Variants in DGKH observed in about 807,000 individuals in gnomAD.
The protein encoded by DGKH is DAG kinase eta.
In DGKH, 90 loss-of-function variants were observed where a neutral mutation model predicts 159.3. The ratio of observed to expected loss-of-function variants is 0.57; its 90% CI spans 0.48 to 0.67. The LOEUF (loss-of-function observed/expected upper bound fraction) is 0.67. Ranked by LOEUF, DGKH falls within the 30% of genes least tolerant of loss-of-function variation. DGKH has a pLI of 0.00. For synonymous variants in DGKH, 536 were observed against 553.8 expected, an observed-to-expected ratio of 0.97 and a Z score of 0.45; for missense variants, 1,181 against 1,506.1, an observed-to-expected ratio of 0.78 and a Z score of 3.57.
At chr13:42,170,879 G>A (rs1421545344) in intron 11 of DGKH, among the ~76,000 whole-genome samples, 1 of 151,150 alleles carries the variant, frequency 6.6e-6, no homozygotes, top group African/African-American at 2.4e-5. Context: ...GGAGGCGGAG[G>A]TTGCAGTGAG....
At chr13:42,250,296 AG>A (rs1218959115) in intron 29 of DGKH, among the ~76,000 whole-genome samples, 1 of 151,884 alleles carries the variant, frequency 6.6e-6, no homozygotes, top group Non-Finnish European at 1.5e-5. Flanking sequence ...AAAAAAAAAA[AG>A]TTTATAATTA....
intron 1 of DGKH, among the ~76,000 whole-genome samples, chr13:42,074,551 C>G (rs374763459): frequency 6.6e-6 from 1 of 151,990 alleles, no homozygotes; most frequent in Admixed American, 6.6e-5. Flanking sequence ...AGAAAGACAC[C>G]CTTGCCCTAC....
intron 1 of DGKH, among the ~76,000 whole-genome samples, chr13:42,077,824 A>T (rs972515700): frequency 2.6e-5 from 4 of 152,188 alleles, no homozygotes; most frequent in Non-Finnish European, 5.9e-5. Context: ...TCCAGCTATA[A>T]TGTGAGCTGC....
Position 42,242,142 on chromosome 13 carries a change from C to T in DGKH, c.*12954C>T, listed in dbSNP as rs1210183434. 6.6e-6 allele frequency: 1 copy of T among 152,262 alleles called. No homozygotes were observed. Among genetic ancestry groups the T allele is most frequent in the African/African-American group, 2.4e-5 (1 of 41,478 alleles). The allele number at this position is 152,262 out of a possible 1,614,324, so 9.4% of individuals were successfully genotyped here. On this transcript the variant is annotated 3_prime_UTR_variant, in exon 30 of 30. Coordinates refer to ENST00000337343, the MANE Select transcript of DGKH (RefSeq NM_178009.5). ...CAAAAGATTGGACACTTTACCCTGA[C>T]ATTCAGCACATTCATTTTATCTTTC...
chr13:42,192,626 CT>C (rs1244555770), intron 16 of DGKH, among the ~76,000 whole-genome samples: 1 of 134,006 alleles, frequency 7.5e-6, no homozygotes, highest in Admixed American at 8.5e-5. Context: ...TTTCTTTCTT[CT>C]TTCTTCTTCT....
At chr13:42,054,426 A>G (rs974671866) in intron 1 of DGKH, among the ~76,000 whole-genome samples, 1 of 152,242 alleles carries the variant, frequency 6.6e-6, no homozygotes, top group African/African-American at 2.4e-5. Context: ...ACATTTTGAT[A>G]GGTGATGAGC....
At chr13:42,113,123 C>A (rs925947655) in intron 1 of DGKH, among the ~76,000 whole-genome samples, 2 of 152,086 alleles carry the variant, frequency 1.3e-5, no homozygotes, top group Non-Finnish European at 2.9e-5. Flanking sequence ...TGGGTGGGGG[C>A]AGAGCTTCCT....
downstream of DGKH, among the ~76,000 whole-genome samples, chr13:42,245,267 C>T (rs982294250): frequency 3.3e-5 from 5 of 152,134 alleles, no homozygotes; most frequent in Admixed American, 6.5e-5. Flanking sequence ...CAACACTTGA[C>T]GGTTGTTGAC....
In DGKH at chr13:42,241,266, C is replaced by T. The variant is rs1471512208; in HGVS notation, c.*12078C>T. ...GACAAAGCTCCCATCTGGTAGAGTCCAAGTTTGTTTTCACAGTTATTTTTC... is the reference window on the plus strand; with the variant it reads ...GACAAAGCTCCCATCTGGTAGAGTCTAAGTTTGTTTTCACAGTTATTTTTC... On this transcript the variant is annotated 3_prime_UTR_variant, in exon 30 of 30. Coordinates refer to ENST00000337343, the MANE Select transcript of DGKH (RefSeq NM_178009.5). 2 of 152,050 alleles carry T rather than the reference C, an allele frequency of 1.3e-5. No individual in the cohort carries two copies. The highest frequency in any genetic ancestry group is 4.8e-5 in the African/African-American group (2 of 41,392). 9.4% of individuals were successfully genotyped at this position (152,050 alleles called of 1,614,324 possible).
In DGKH at chr13:42,048,851, C is replaced by A; in HGVS notation, c.78C>A (p.Thr26=). The A allele has an allele frequency of 7.3e-7, 1 of 1,367,242 alleles. No individual in the cohort carries two copies. Among genetic ancestry groups the A allele is most frequent in the East Asian group, 2.8e-5 (1 of 35,182 alleles). The allele number at this position is 1,367,242 out of a possible 1,614,324, so 84.7% of individuals were successfully genotyped here. A position where few individuals can be genotyped will look rare whatever the true frequency, so the allele number is the denominator to read the frequency against. The part of the protein sequence containing the change: ...GAAAGAGAAV[T]SAAASAGPGE... ...CCGCCGGAGCCGGCGCCGCGGTCAC[C>A]TCCGCCGCTGCCTCGGCGGGGCCGG... The change falls in exon 1 of 30, where the codon ACC becomes ACA. Residue 26 remains threonine, a synonymous_variant. Coordinates refer to ENST00000337343, the MANE Select transcript of DGKH (RefSeq NM_178009.5). This position sits in a 1 kb window ranked among gnomAD's most constrained non-coding sequence, Gnocchi z 6.7.
chr13:42,156,389 A>G (rs564836279), intron 5 of DGKH, among the ~76,000 whole-genome samples: 2 of 151,926 alleles, frequency 1.3e-5, no homozygotes, highest in African/African-American at 4.8e-5. Context: ...ACTACAGTCA[A>G]GCACCACCAC....
At chr13:42,053,535 TGTATATATATAACTATATA>T (rs1168806450) in intron 1 of DGKH, among the ~76,000 whole-genome samples, 24,903 of 107,898 alleles carry the variant, frequency 0.23, 2,527 homozygotes, top group East Asian at 0.32. Flanking sequence ...TAACTATATA[TGTATATATATAACTATATA>T]TGTATATATA....
In DGKH at chr13:42,138,309, A is replaced by G. The variant is rs149020300; in HGVS notation, c.384+8677A>G. 6.1e-4 allele frequency among the ~76,000 whole-genome samples: 93 copies of G among 152,338 alleles called. 1 individual carries two copies. The highest frequency in any genetic ancestry group is 2.0e-3 in the African/African-American group (85 of 41,582). On this transcript the variant is annotated intron_variant, in intron 3 of 29. Coordinates refer to ENST00000337343, the MANE Select transcript of DGKH (RefSeq NM_178009.5). ...CCCATTATACCACACAGCAAGAGCT[A>G]AATGACCATCTTTCTAGAATGCAGT... is the stretch of plus-strand genomic sequence containing the variant.
At chr13:42,073,910 A>G (rs1252441013) in intron 1 of DGKH, among the ~76,000 whole-genome samples, 1 of 152,198 alleles carries the variant, frequency 6.6e-6, no homozygotes, top group African/African-American at 2.4e-5. Flanking sequence ...GCATTCTAGC[A>G]TGACTGAACT....
At chr13:42,159,983 C>T (rs1247761602) in intron 6 of DGKH, 28 bp from the exon 7 acceptor site, 3 of 1,614,192 alleles carry the variant, frequency 1.9e-6, no homozygotes, top group Middle Eastern at 1.7e-4. Context: ...CAGTCTTCAC[C>T]TGGCTGCCCT....
chr13:42,142,817 A>C (rs1955603778), intron 3 of DGKH, among the ~76,000 whole-genome samples: 1 of 151,972 alleles, frequency 6.6e-6, no homozygotes, highest in Non-Finnish European at 1.5e-5. Flanking sequence ...GGGGTTTTCT[A>C]GATATGCAAT....
At chr13:42,044,513 T>C (rs1880696772), upstream of DGKH, among the ~76,000 whole-genome samples, 1 of 152,128 alleles carries the variant, frequency 6.6e-6, no homozygotes, top group Non-Finnish European at 1.5e-5. Flanking sequence ...ATGGTCTCGA[T>C]CTCCTGACCT....
At chr13:42,226,505 A>G (rs914547040) in intron 29 of DGKH, among the ~76,000 whole-genome samples, 1 of 152,206 alleles carries the variant, frequency 6.6e-6, no homozygotes, top group African/African-American at 2.4e-5. Context: ...ACATATGTTC[A>G]TTGCAGCACT....
intron 3 of DGKH, among the ~76,000 whole-genome samples, chr13:42,151,501 G>GTATACACA: frequency 9.9e-6 from 1 of 101,468 alleles, no homozygotes; most frequent in Admixed American, 1.1e-4. Flanking sequence ...GTGTGTGTGT[G>GTATACACA]TGTGTATACA....
Sources: gnomAD v4.1 joint callset for allele counts (sites outside exome capture counted in the v4.1 genomes callset) on GRCh38, gnomAD v4.1.1 for gene constraint, Gnocchi (gnomAD v3.1) non-coding constraint, MANE v1.5 for transcripts, NCBI Gene and HGNC (gene_info 2026-07-23, HGNC 2026-07-21) for gene names.